KCNQ3: variants seen among roughly 807,000 people sequenced by gnomAD.
KCNQ3 encodes the protein potassium voltage-gated channel subfamily Q member 3, also known as potassium voltage-gated channel subfamily KQT member 3.
In KCNQ3, 30 loss-of-function variants were observed where a neutral mutation model predicts 92.5. The observed-to-expected ratio is 0.32, with a 90% CI of 0.24 to 0.44. The LOEUF is 0.44. Among genes scored for constraint, KCNQ3 ranks in the 20% least tolerant of loss-of-function variants. The pLI is 1.00. For missense variants in KCNQ3, 913 were observed against 1,140.3 expected (o/e 0.80, Z 2.87); for synonymous variants, 450 against 468.8 (o/e 0.96, Z 0.52).
chr8:132,137,811 T>C, intron 12 of KCNQ3, 74 bp downstream of exon 12: 2 of 1,540,264 alleles, frequency 1.3e-6, no homozygotes, highest in Non-Finnish European at 1.8e-6. Flanking sequence ...TATTTCTGAA[T>C]ACCTCTCACC....
intron 9 of KCNQ3, among the ~76,000 whole-genome samples, chr8:132,159,973 G>C (rs1331433036): frequency 6.6e-6 from 1 of 152,194 alleles, no homozygotes; most frequent in African/African-American, 2.4e-5. Flanking sequence ...AGGTGTAGGA[G>C]ATAATGCAGC....
chr8:132,146,531 A>G (rs1379801186), intron 9 of KCNQ3, among the ~76,000 whole-genome samples: 1 of 152,196 alleles, frequency 6.6e-6, no homozygotes, highest in Non-Finnish European at 1.5e-5. Flanking sequence ...TTAGTTCTGC[A>G]AAGTAAAATG....
At chr8:132,318,048 C>T (rs1817792135) in intron 1 of KCNQ3, among the ~76,000 whole-genome samples, 3 of 152,208 alleles carry the variant, frequency 2.0e-5, no homozygotes, top group South Asian at 2.1e-4. Context: ...CTCATTCCCA[C>T]TCAGCTGGTC....
intron 1 of KCNQ3, among the ~76,000 whole-genome samples, chr8:132,208,574 C>G (rs1024984497): frequency 6.6e-6 from 1 of 152,138 alleles, no homozygotes; most frequent in Admixed American, 6.5e-5. Context: ...AAAGTAAGAA[C>G]AGGCTGCATA....
Position 132,212,253 on chromosome 8 carries a change from A to C in KCNQ3, c.387-26072T>G, listed in dbSNP as rs141315887. On this transcript the variant is annotated intron_variant, in intron 1 of 14. Coordinates refer to ENST00000388996, the MANE Select transcript of KCNQ3 (RefSeq NM_004519.4). ...AATTTAGCTAATTCCTGCAATTCCT[A>C]TGGCTTCAGACAAAAGGCCTTCACC... Among the ~76,000 whole-genome samples, 652 of 152,186 alleles carry C rather than the reference A, an allele frequency of 4.3e-3. 4 individuals carry two copies. Among genetic ancestry groups the C allele is most frequent in the African/African-American group, 0.014 (562 of 41,546 alleles).
At chr8:132,320,558 T>C (rs1278825282) in intron 1 of KCNQ3, among the ~76,000 whole-genome samples, 1 of 152,152 alleles carries the variant, frequency 6.6e-6, no homozygotes, top group African/African-American at 2.4e-5. Flanking sequence ...TTCTTTGTAA[T>C]TCAGGTAATT....
intron 1 of KCNQ3, among the ~76,000 whole-genome samples, chr8:132,424,081 G>A (rs1353144658): frequency 6.6e-6 from 1 of 152,070 alleles, no homozygotes; most frequent in Non-Finnish European, 1.5e-5. Flanking sequence ...TCACATCGCT[G>A]TGGCTGACTG....
chr8:132,296,618 C>T (rs1354171536), intron 1 of KCNQ3, among the ~76,000 whole-genome samples: 2 of 151,938 alleles, frequency 1.3e-5, no homozygotes, highest in Non-Finnish European at 2.9e-5. Flanking sequence ...CAATTCCCAC[C>T]TATGAGTGAG....
At chr8:132,330,857 T>A (rs1210817513) in intron 1 of KCNQ3, among the ~76,000 whole-genome samples, 1 of 152,168 alleles carries the variant, frequency 6.6e-6, no homozygotes, top group African/African-American at 2.4e-5. Context: ...AGTTGTTGTG[T>A]CCCAGAATTG....
chr8:132,423,453 T>C (rs1350748112), intron 1 of KCNQ3, among the ~76,000 whole-genome samples: 1 of 151,992 alleles, frequency 6.6e-6, no homozygotes, highest in Non-Finnish European at 1.5e-5. Context: ...GAAGGGGCAA[T>C]GGTTAAGAGC....
At chr8:132,343,467 T>C (rs1471098624) in intron 1 of KCNQ3, among the ~76,000 whole-genome samples, 3 of 152,176 alleles carry the variant, frequency 2.0e-5, no homozygotes, top group African/African-American at 7.2e-5. Flanking sequence ...TAAGTGCTTA[T>C]GAAAATTGAA....
intron 1 of KCNQ3, among the ~76,000 whole-genome samples, chr8:132,275,261 A>G (rs1816287159): frequency 6.6e-6 from 1 of 152,232 alleles, no homozygotes; most frequent in African/African-American, 2.4e-5. Context: ...AAGGATATAT[A>G]GAAAAATGTG....
At chr8:132,397,060 T>G (rs1480918447) in intron 1 of KCNQ3, among the ~76,000 whole-genome samples, 1 of 152,058 alleles carries the variant, frequency 6.6e-6, no homozygotes, top group African/African-American at 2.4e-5. Context: ...AAGTGTTTTA[T>G]TATTATTACT....
In KCNQ3 at chr8:132,227,250, C is replaced by T. The variant is rs113800208; in HGVS notation, c.387-41069G>A. 5.7e-3 allele frequency among the ~76,000 whole-genome samples: 873 copies of T among 151,928 alleles called. 8 individuals carry two copies. The highest frequency in any genetic ancestry group is 0.019 in the African/African-American group (767 of 41,438). On this transcript the variant is annotated intron_variant, in intron 1 of 14. Coordinates refer to ENST00000388996, the MANE Select transcript of KCNQ3 (RefSeq NM_004519.4). ...CTAATTTTTGTACTTTTAGTAGAGA[C>T]GGGGTTTCACCATGTTGGCCAGGAT... is the stretch of plus-strand genomic sequence containing the variant.
At chr8:132,209,567 G>A (rs893000980) in intron 1 of KCNQ3, among the ~76,000 whole-genome samples, 1 of 143,808 alleles carries the variant, frequency 7.0e-6, no homozygotes, top group African/African-American at 2.7e-5. Context: ...ACACACACAC[G>A]TATTGATGGT....
intron 1 of KCNQ3, among the ~76,000 whole-genome samples, chr8:132,397,932 G>A (rs1035117150): frequency 2.6e-5 from 4 of 151,952 alleles, no homozygotes; most frequent in African/African-American, 9.7e-5. Context: ...ATTTTTTAAG[G>A]AAAAGCATAT....
chr8:132,209,795 T>C (rs767112418), intron 1 of KCNQ3, among the ~76,000 whole-genome samples: 8 of 152,172 alleles, frequency 5.3e-5, no homozygotes, highest in Non-Finnish European at 1.0e-4. Context: ...CAAGCTATGA[T>C]GTTCAGTAGT....
chr8:132,414,420 C>T (rs1002506636), intron 1 of KCNQ3, among the ~76,000 whole-genome samples: 4 of 152,246 alleles, frequency 2.6e-5, no homozygotes, highest in Non-Finnish European at 5.9e-5. Context: ...GGCAGGATGA[C>T]TTGCTCGGAG....
At chr8:132,303,263 T>A (rs1164641959) in intron 1 of KCNQ3, among the ~76,000 whole-genome samples, 1 of 151,984 alleles carries the variant, frequency 6.6e-6, no homozygotes. Flanking sequence ...CATTTGCAAA[T>A]CTTTTTCTTT....
Sources: gnomAD v4.1 joint callset for allele counts (sites outside exome capture counted in the v4.1 genomes callset) on GRCh38, gnomAD v4.1.1 for gene constraint, MANE v1.5 for transcripts, NCBI Gene and HGNC (gene_info 2026-07-23, HGNC 2026-07-21) for gene names.